Variants in ERBB4 observed in about 807,000 individuals in gnomAD.
The protein encoded by ERBB4 is receptor tyrosine-protein kinase erbB-4.
In ERBB4, 42 loss-of-function variants were observed where a neutral mutation model predicts 158.0. The ratio of observed to expected loss-of-function variants is 0.27; its 90% confidence interval spans 0.21 to 0.34. ERBB4 has a LOEUF of 0.34. Ranked by LOEUF, ERBB4 falls within the 10% of genes least tolerant of loss-of-function variation. The pLI, the probability that ERBB4 is intolerant of heterozygous loss-of-function variation, is 1.00. For synonymous variants in ERBB4, 583 were observed against 558.7 expected, an observed-to-expected ratio of 1.04 and a Z score of -0.61; for missense variants, 1,333 against 1,624.1, an observed-to-expected ratio of 0.82 and a Z score of 3.08.
chr2:211,774,352 G>A (rs1431356754), intron 4 of ERBB4, among the ~76,000 whole-genome samples: 1 of 152,124 alleles, frequency 6.6e-6, no homozygotes, highest in African/African-American at 2.4e-5. Flanking sequence ...GATTACAGGT[G>A]TGAGCCACTG....
chr2:211,615,130 T>TA (rs200966806), intron 19 of ERBB4, among the ~76,000 whole-genome samples: 1 of 151,818 alleles, frequency 6.6e-6, no homozygotes, highest in Non-Finnish European at 1.5e-5. Context: ...TCATTTTTTT[T>TA]AAGAAAGCAA....
rs71397157 is a variant in ERBB4, at chr2:212,015,028, T to TAAAAAAA, written c.235-67419_235-67413dup. Among the ~76,000 whole-genome samples, 22 of 4,526 alleles carry TAAAAAAA rather than the reference T, an allele frequency of 4.9e-3. 2 individuals are homozygous for TAAAAAAA. The highest frequency in any genetic ancestry group is 7.1e-3 in the Non-Finnish European group (2 of 282). The allele number at this position is 4,526 out of a possible 152,430, so 3.0% of individuals were successfully genotyped here. The stretch of plus-strand genomic sequence containing the variant: ...TAACACGGTGAAACCCCGTCTCTAC[T>TAAAAAAA]AAAAAAAAAAAAAATATATATATAT... On this transcript the variant is annotated intron_variant, in intron 2 of 27. Coordinates refer to ENST00000342788, the MANE Select transcript of ERBB4 (RefSeq NM_005235.3).
intron 17 of ERBB4, among the ~76,000 whole-genome samples, chr2:211,627,204 A>G (rs747305872): frequency 1.7e-4 from 26 of 152,116 alleles, no homozygotes; most frequent in Non-Finnish European, 3.2e-4. Context: ...TCTCTCACCA[A>G]CTGCCTCAAG....
intron 7 of ERBB4, among the ~76,000 whole-genome samples, chr2:211,719,888 A>C (rs1408052799): frequency 6.6e-6 from 1 of 151,034 alleles, no homozygotes; most frequent in African/African-American, 2.4e-5. Context: ...AAAAAAAAGG[A>C]AAGTGTTTTT....
intron 3 of ERBB4, among the ~76,000 whole-genome samples, chr2:211,877,937 G>A (rs1299422460): frequency 7.2e-5 from 11 of 152,104 alleles, no homozygotes; most frequent in African/African-American, 1.4e-4. Context: ...GCAAAACCTC[G>A]TCTCTACTAA....
Position 211,383,964 on chromosome 2 carries a change from T to G in ERBB4, c.3578A>C (p.Asn1193Thr), listed in dbSNP as rs201275165. Reference protein sequence around the residue: ...LDNPEYHNASNGPPKAEDEYV... With the variant: ...LDNPEYHNASTGPPKAEDEYV... Reference sequence around the variant, plus strand: ...CTCATCCTCGGCCTTGGGTGGACCATTGGATGCATTGTGATATTCGGGATT... The same window carrying G: ...CTCATCCTCGGCCTTGGGTGGACCAGTGGATGCATTGTGATATTCGGGATT... The change falls in exon 28 of 28, where the codon AAT becomes ACT. Residue 1193 changes from asparagine (N) to threonine (T), a missense_variant. Asn to Thr is a moderately conservative substitution (Grantham distance 65). Around this residue, in one of 5 missense-constraint regions of ERBB4, gnomAD observed 252 missense variants for 241.3 expected, o/e 1.04. Coordinates refer to ENST00000342788, the MANE Select transcript of ERBB4 (RefSeq NM_005235.3). 6.2e-7 allele frequency: 1 copy of G among 1,613,982 alleles called. No individual in the cohort carries two copies. Among genetic ancestry groups the G allele is most frequent in the Non-Finnish European group, 8.5e-7 (1 of 1,179,940 alleles).
At chr2:212,165,156 C>A (rs556064189) in intron 1 of ERBB4, among the ~76,000 whole-genome samples, 3 of 151,742 alleles carry the variant, frequency 2.0e-5, no homozygotes, top group Admixed American at 2.0e-4. Flanking sequence ...ATAAAAGAAC[C>A]TTTATTTGGT....
chr2:211,416,728 C>G (rs1264626501), intron 25 of ERBB4, among the ~76,000 whole-genome samples: 3 of 152,144 alleles, frequency 2.0e-5, no homozygotes, highest in African/African-American at 7.2e-5. Flanking sequence ...GTCAAACATG[C>G]ACCTCTAACC....
intron 2 of ERBB4, among the ~76,000 whole-genome samples, chr2:212,031,029 A>G (rs113148910): frequency 0.019 from 2,832 of 152,170 alleles, 45 homozygotes; most frequent in Middle Eastern, 0.034. Context: ...CTTCTGCCTC[A>G]TGAAACTCAC....
intron 2 of ERBB4, among the ~76,000 whole-genome samples, chr2:212,061,313 T>C (rs1041541903): frequency 6.6e-6 from 1 of 150,844 alleles, no homozygotes; most frequent in Non-Finnish European, 1.5e-5. Flanking sequence ...CTTAGCAGGG[T>C]GTGGTGGTTC....
intron 3 of ERBB4, among the ~76,000 whole-genome samples, chr2:211,841,309 A>C (rs1399221789): frequency 6.6e-6 from 1 of 152,096 alleles, no homozygotes; most frequent in Non-Finnish European, 1.5e-5. Flanking sequence ...TTTGATACTA[A>C]CAGCTATTGA....
chr2:212,045,491 G>T (rs1211753111), intron 2 of ERBB4, among the ~76,000 whole-genome samples: 1 of 152,062 alleles, frequency 6.6e-6, no homozygotes, highest in African/African-American at 2.4e-5. Flanking sequence ...AAAAAGAAAA[G>T]TAACATTTTG....
At chr2:212,052,427 C>A (rs1559392000) in intron 2 of ERBB4, among the ~76,000 whole-genome samples, 1 of 152,158 alleles carries the variant, frequency 6.6e-6, no homozygotes, top group East Asian at 1.9e-4. Context: ...TCCTGTGAGT[C>A]AATACTCCTT....
chr2:211,407,810 G>C (rs1481255195), intron 25 of ERBB4, among the ~76,000 whole-genome samples: 1 of 152,188 alleles, frequency 6.6e-6, no homozygotes, highest in Non-Finnish European at 1.5e-5. Flanking sequence ...GGTGAGCGAG[G>C]AAAGGGACTG....
At chr2:212,486,775 A>G (rs1264565914) in intron 1 of ERBB4, among the ~76,000 whole-genome samples, 1 of 152,190 alleles carries the variant, frequency 6.6e-6, no homozygotes, top group Non-Finnish European at 1.5e-5. Context: ...TATGGCAGTC[A>G]GGACCACAGT....
At chr2:211,565,726 AG>A (rs1040085398) in intron 19 of ERBB4, among the ~76,000 whole-genome samples, 6 of 152,174 alleles carry the variant, frequency 3.9e-5, no homozygotes, top group Non-Finnish European at 8.8e-5. Context: ...GATCCAGCCA[AG>A]GGTTTATCGT....
chr2:211,939,984 TATAGATAGATAG>T (rs530567931), intron 3 of ERBB4, among the ~76,000 whole-genome samples: 4 of 141,474 alleles, frequency 2.8e-5, no homozygotes, highest in Non-Finnish European at 6.4e-5. Context: ...TATATATGTA[TATAGATAGATAG>T]ATAGATAGAT....
Position 211,578,723 on chromosome 2 carries a change from C to T in ERBB4, c.2302-16635G>A, listed in dbSNP as rs1413339200. On this transcript the variant is annotated intron_variant, in intron 19 of 27. Transcript: ENST00000342788. The stretch of plus-strand genomic sequence containing the variant: ...TGGGGAAAGGATTTCCTATTTAATA[C>T]GTAGTGCTGGGAGAACTGGCTAGCC... 3.3e-5 allele frequency among the ~76,000 whole-genome samples: 5 copies of T among 152,056 alleles called. No individual in the cohort carries two copies. The East Asian group carries it at 7.7e-4, about 23-fold the overall frequency.
intron 2 of ERBB4, among the ~76,000 whole-genome samples, chr2:211,979,754 A>G (rs1477561917): frequency 6.6e-6 from 1 of 152,136 alleles, no homozygotes; most frequent in Non-Finnish European, 1.5e-5. Context: ...TTATCCTTCC[A>G]TGAACACATG....
Sources: allele counts gnomAD v4.1 joint callset (sites outside exome capture counted in the v4.1 genomes callset), GRCh38; gene constraint gnomAD v4.1.1; regional missense constraint gnomAD v4.1.1; transcripts MANE v1.5; gene names NCBI Gene and HGNC (gene_info 2026-07-23, HGNC 2026-07-21).